The following RNF144A variants were observed in gnomAD, a reference collection of about 807,000 sequenced individuals.
The protein encoded by RNF144A is ring finger protein 144A.
A neutral mutation model predicts 38.7 loss-of-function variants in RNF144A; 11 were observed. The ratio of observed to expected loss-of-function variants is 0.28; its 90% CI spans 0.18 to 0.47. RNF144A has a LOEUF of 0.47. RNF144A is among the 20% of genes least tolerant of loss of function. The pLI is 0.99. For synonymous variants in RNF144A, 149 were observed against 143.9 expected (o/e 1.04, Z -0.25); for missense variants, 316 against 377.2 (o/e 0.84, Z 1.34).
chr2:6,979,375 A>T (rs1432432298), intron 2 of RNF144A, among the ~76,000 whole-genome samples: 2 of 152,140 alleles, frequency 1.3e-5, no homozygotes, highest in Non-Finnish European at 2.9e-5. Context: ...CTGTGTGATT[A>T]TGATTGGGGA....
At chr2:6,998,337 T>G (rs1224799782) in intron 3 of RNF144A, among the ~76,000 whole-genome samples, 1 of 152,206 alleles carries the variant, frequency 6.6e-6, no homozygotes, top group African/African-American at 2.4e-5. Context: ...TTTCAGACTG[T>G]ATTTCATTTG....
chr2:6,957,641 C>G (rs1340957859), intron 2 of RNF144A, among the ~76,000 whole-genome samples: 1 of 152,176 alleles, frequency 6.6e-6, no homozygotes, highest in East Asian at 1.9e-4. Flanking sequence ...AGAGCTGACC[C>G]TCAACAAGTG....
intron 2 of RNF144A, among the ~76,000 whole-genome samples, chr2:6,969,425 G>T (rs1188792821): frequency 1.3e-5 from 2 of 152,084 alleles, no homozygotes; most frequent in Non-Finnish European, 2.9e-5. Flanking sequence ...CCAGGGAGAG[G>T]GGCCTGGAGC....
intron 5 of RNF144A, among the ~76,000 whole-genome samples, chr2:7,016,123 GAAAGAA>G (rs1291643493): frequency 3.5e-4 from 43 of 124,556 alleles, no homozygotes; most frequent in African/African-American, 1.1e-3. Context: ...AAAAAAAAAA[GAAAGAA>G]AAAGAAAAAA....
At chr2:7,017,364 G>A (rs1671210815) in intron 5 of RNF144A, among the ~76,000 whole-genome samples, 1 of 147,856 alleles carries the variant, frequency 6.8e-6, no homozygotes, top group South Asian at 2.2e-4. Context: ...TAAATAATAC[G>A]ATGGGTTATC....
chr2:7,072,756 T>C (rs532676949), downstream of RNF144A, among the ~76,000 whole-genome samples: 13 of 152,282 alleles, frequency 8.5e-5, no homozygotes, highest in African/African-American at 3.1e-4. Context: ...GTGGAATGAG[T>C]GAATGAATGC....
intron 6 of RNF144A, among the ~76,000 whole-genome samples, chr2:7,056,485 T>A (rs1003812473): frequency 4.6e-5 from 7 of 152,178 alleles, no homozygotes; most frequent in African/African-American, 1.4e-4. Context: ...CACTGATTTA[T>A]CTTGAGTACT....
intron 6 of RNF144A, among the ~76,000 whole-genome samples, chr2:7,021,023 G>A (rs550149569): frequency 6.6e-6 from 1 of 152,244 alleles, no homozygotes; most frequent in African/African-American, 2.4e-5. Context: ...AGACTTCACT[G>A]TGTTGAAGGT....
At chr2:7,005,982 C>G (rs897570949) in intron 3 of RNF144A, among the ~76,000 whole-genome samples, 2 of 150,646 alleles carry the variant, frequency 1.3e-5, no homozygotes, top group African/African-American at 4.9e-5. Context: ...TTGCACATAC[C>G]CTAATTTACA....
At chr2:7,056,382 C>T (rs925083310) in intron 6 of RNF144A, among the ~76,000 whole-genome samples, 1 of 152,166 alleles carries the variant, frequency 6.6e-6, no homozygotes, top group African/African-American at 2.4e-5. Context: ...GAACCTCCCT[C>T]CTTATCTTGG....
At chr2:7,060,297 A>G (rs989530931) in intron 6 of RNF144A, among the ~76,000 whole-genome samples, 8 of 151,440 alleles carry the variant, frequency 5.3e-5, no homozygotes, top group African/African-American at 1.9e-4. Flanking sequence ...AGGTTTCCAG[A>G]TGGATTAGGC....
chr2:6,984,028 G>T (rs188146543), intron 2 of RNF144A, among the ~76,000 whole-genome samples: 1 of 152,180 alleles, frequency 6.6e-6, no homozygotes, highest in Non-Finnish European at 1.5e-5. Context: ...TCTGTGGATG[G>T]TTGCAGTTAC....
At chr2:6,948,661 G>A (rs1666489994) in intron 2 of RNF144A, among the ~76,000 whole-genome samples, 1 of 152,172 alleles carries the variant, frequency 6.6e-6, no homozygotes, top group African/African-American at 2.4e-5. Context: ...TTAGCACCAG[G>A]AAAGCAGGGA....
intron 2 of RNF144A, among the ~76,000 whole-genome samples, chr2:6,961,423 C>T (rs759057660): frequency 3.1e-4 from 46 of 148,818 alleles, no homozygotes; most frequent in Middle Eastern, 3.2e-3. Context: ...ATGTGAACTA[C>T]TCTTTTACAG....
intron 3 of RNF144A, among the ~76,000 whole-genome samples, chr2:6,998,816 C>G (rs1669920013): frequency 6.6e-6 from 1 of 150,536 alleles, no homozygotes; most frequent in African/African-American, 2.4e-5. Flanking sequence ...TAGCCTTATG[C>G]AAAATCACCT....
At chr2:7,001,581 G>A (rs1670107161) in intron 3 of RNF144A, among the ~76,000 whole-genome samples, 1 of 152,140 alleles carries the variant, frequency 6.6e-6, no homozygotes, top group Non-Finnish European at 1.5e-5. Flanking sequence ...GGAAGCTGAA[G>A]CAGGAAGACT....
intron 2 of RNF144A, among the ~76,000 whole-genome samples, chr2:6,985,085 C>G (rs1668863605): frequency 6.6e-6 from 1 of 152,146 alleles, no homozygotes; most frequent in Non-Finnish European, 1.5e-5. Context: ...ACATAAGAAA[C>G]ACAGGACTTG....
chr2:6,949,956 TA>T (rs1666575046), intron 2 of RNF144A, among the ~76,000 whole-genome samples: 2 of 151,624 alleles, frequency 1.3e-5, no homozygotes, highest in African/African-American at 4.9e-5. Context: ...TTATTATTAT[TA>T]TTTTTTTATT....
Position 6,941,025 on chromosome 2 carries a change from C to G in RNF144A, c.-134C>G, listed in dbSNP as rs1665939527. The stretch of plus-strand genomic sequence containing the variant: ...AGGGAGCCCTGGTGCCAGAGACCTT[C>G]TCCCATTTCTCCCTATGGGTGCCTG... On this transcript the variant is annotated 5_prime_UTR_variant, in exon 2 of 9. Coordinates refer to ENST00000320892, the MANE Select transcript of RNF144A (RefSeq NM_014746.6). The surrounding 1 kb of genome is among the most constrained non-coding windows in gnomAD (Gnocchi z 6.5). 6.6e-6 allele frequency: 1 copy of G among 152,404 alleles called. No individual in the cohort carries two copies. Among genetic ancestry groups the G allele is most frequent in the Non-Finnish European group, 1.5e-5 (1 of 68,234 alleles). 9.4% of individuals were successfully genotyped at this position (152,404 alleles called of 1,614,324 possible).
Sources: gnomAD v4.1 joint callset for allele counts (sites outside exome capture counted in the v4.1 genomes callset) on GRCh38, gnomAD v4.1.1 for gene constraint, Gnocchi (gnomAD v3.1) non-coding constraint, MANE v1.5 for transcripts, NCBI Gene and HGNC (gene_info 2026-07-23, HGNC 2026-07-21) for gene names.